CTNNA3: variants seen among roughly 807,000 people sequenced by gnomAD.
CTNNA3 encodes the protein catenin alpha-3.
In CTNNA3, 76 loss-of-function variants were observed where a neutral mutation model predicts 95.7. The ratio of observed to expected loss-of-function variants is 0.79; its 90% confidence interval spans 0.66 to 0.96. CTNNA3 has a LOEUF of 0.96. Ranked by LOEUF, CTNNA3 falls within the 40% of genes least tolerant of loss-of-function variation. The probability of loss-of-function intolerance (pLI) is 0.00; values close to 1 mark genes in which losing one functional copy is unlikely to be tolerated. For missense variants in CTNNA3, 1,191 were observed against 1,089.8 expected, an observed-to-expected ratio of 1.09 and a Z score of -1.31; for synonymous variants, 431 against 374.4, an observed-to-expected ratio of 1.15 and a Z score of -1.74.
At chr10:67,083,503 A>G (rs1170125057) in intron 7 of CTNNA3, among the ~76,000 whole-genome samples, 1 of 152,146 alleles carries the variant, frequency 6.6e-6, no homozygotes, top group Non-Finnish European at 1.5e-5. Flanking sequence ...ACATTTCAAC[A>G]ATGTGCTAAT....
At chr10:67,477,277 G>A (rs1255582567) in intron 5 of CTNNA3, among the ~76,000 whole-genome samples, 1 of 151,862 alleles carries the variant, frequency 6.6e-6, no homozygotes, top group Non-Finnish European at 1.5e-5. Flanking sequence ...CCTCAGTCCA[G>A]ATGTTTGTAC....
At chr10:67,559,226 T>C (rs1841384766) in intron 3 of CTNNA3, among the ~76,000 whole-genome samples, 2 of 152,192 alleles carry the variant, frequency 1.3e-5, no homozygotes. Flanking sequence ...GCAGCCTAAC[T>C]GGGAGGCAAC....
At chr10:66,694,382 G>A (rs1045760548) in intron 9 of CTNNA3, among the ~76,000 whole-genome samples, 7 of 151,990 alleles carry the variant, frequency 4.6e-5, no homozygotes, top group Admixed American at 6.6e-5. Flanking sequence ...TAAATTCCTC[G>A]ACACATACAC....
chr10:67,025,195 A>G (rs1853291507), intron 7 of CTNNA3, among the ~76,000 whole-genome samples: 1 of 151,814 alleles, frequency 6.6e-6, no homozygotes, highest in Non-Finnish European at 1.5e-5. Flanking sequence ...AGAAACCACA[A>G]GAAATATTTT....
At chr10:67,723,065 C>T (rs1266761984) in intron 1 of CTNNA3, among the ~76,000 whole-genome samples, 1 of 149,476 alleles carries the variant, frequency 6.7e-6, no homozygotes, top group Non-Finnish European at 1.5e-5. Context: ...TGGCTCACCA[C>T]AACTTCTGCC....
At chr10:66,048,749 A>G (rs2084110081) in intron 15 of CTNNA3, among the ~76,000 whole-genome samples, 1 of 152,178 alleles carries the variant, frequency 6.6e-6, no homozygotes, top group African/African-American at 2.4e-5. Flanking sequence ...CGGCAGAGCG[A>G]GACTCCATCT....
chr10:67,512,351 A>G (rs972664131), intron 5 of CTNNA3, among the ~76,000 whole-genome samples: 1 of 152,218 alleles, frequency 6.6e-6, no homozygotes, highest in African/African-American at 2.4e-5. Flanking sequence ...TTAAAAAAAT[A>G]GAACTATTAT....
intron 7 of CTNNA3, among the ~76,000 whole-genome samples, chr10:67,126,913 G>C (rs1370347812): frequency 6.6e-6 from 1 of 152,032 alleles, no homozygotes; most frequent in Non-Finnish European, 1.5e-5. Context: ...GCACTGTTTG[G>C]GAGTTTTCAG....
intron 12 of CTNNA3, among the ~76,000 whole-genome samples, chr10:66,374,933 G>A (rs1005704760): frequency 1.3e-5 from 2 of 151,988 alleles, no homozygotes; most frequent in African/African-American, 4.8e-5. Context: ...CCATTTTTAT[G>A]ACAGTATATC....
chr10:66,379,124 G>A lies in CTNNA3; in HGVS notation c.1732+28C>T, dbSNP rs772069837. On this transcript the variant is annotated intron_variant, in intron 12 of 17. Coordinates refer to ENST00000433211, the MANE Select transcript of CTNNA3 (RefSeq NM_013266.4). ...TATGTAGATTCAAATAAGAGAAATT[G>A]TGCAGCTGTTATTGGCAACTGACTT... 9 of 1,538,560 alleles carry A rather than the reference G, an allele frequency of 5.8e-6. No individual in the cohort carries two copies. In the African/African-American group the frequency reaches 1.1e-4, roughly 19 times the overall value.
At chr10:66,767,142 G>A (rs10400163) in intron 8 of CTNNA3, among the ~76,000 whole-genome samples, 122,365 of 151,996 alleles carry the variant, frequency 0.81, 49,424 homozygotes, top group African/African-American at 0.87. Context: ...ATATAATATC[G>A]AGTCTTTAAA....
intron 1 of CTNNA3, among the ~76,000 whole-genome samples, chr10:67,726,412 T>TA (rs1564841098): frequency 6.6e-5 from 4 of 61,024 alleles, no homozygotes; most frequent in Non-Finnish European, 9.7e-5. Context: ...TTATATCATA[T>TA]ATAATATTAT....
intron 5 of CTNNA3, among the ~76,000 whole-genome samples, chr10:67,450,069 A>C (rs1320364315): frequency 6.6e-6 from 1 of 152,228 alleles, no homozygotes; most frequent in Non-Finnish European, 1.5e-5. Flanking sequence ...TGATCATTAG[A>C]GAAATGCAAA....
intron 5 of CTNNA3, among the ~76,000 whole-genome samples, chr10:67,341,344 C>A (rs950804126): frequency 1.3e-5 from 2 of 152,108 alleles, no homozygotes; most frequent in African/African-American, 4.8e-5. Flanking sequence ...CACCTCCCCA[C>A]AACTACACTT....
intron 9 of CTNNA3, among the ~76,000 whole-genome samples, chr10:66,627,335 G>T (rs1589037160): frequency 6.6e-6 from 1 of 152,004 alleles, no homozygotes; most frequent in African/African-American, 2.4e-5. Context: ...CAAGGATCCT[G>T]GTCCTCCCCT....
chr10:66,981,051 A>G (rs1850408084), intron 7 of CTNNA3, among the ~76,000 whole-genome samples: 1 of 152,080 alleles, frequency 6.6e-6, no homozygotes, highest in Non-Finnish European at 1.5e-5. Context: ...GATTACAGGC[A>G]TGCTCCACCA....
intron 7 of CTNNA3, among the ~76,000 whole-genome samples, chr10:67,072,016 G>A (rs748337041): frequency 7.2e-5 from 11 of 152,142 alleles, no homozygotes; most frequent in Admixed American, 3.9e-4. Flanking sequence ...TGCTGTGCAC[G>A]ATCTCAGCGC....
At chr10:67,203,739 C>T (rs1188639029) in intron 6 of CTNNA3, among the ~76,000 whole-genome samples, 1 of 152,268 alleles carries the variant, frequency 6.6e-6, no homozygotes, top group Non-Finnish European at 1.5e-5. Context: ...TTCCACAATA[C>T]CTGTTTGATT....
intron 13 of CTNNA3, among the ~76,000 whole-genome samples, chr10:66,221,330 A>G (rs1333797433): frequency 6.6e-6 from 1 of 152,192 alleles, no homozygotes; most frequent in African/African-American, 2.4e-5. Flanking sequence ...GCTAGCTGGT[A>G]TTTGTGACCT....
Sources: allele counts gnomAD v4.1 joint callset (sites outside exome capture counted in the v4.1 genomes callset), GRCh38; gene constraint gnomAD v4.1.1; transcripts MANE v1.5; gene names NCBI Gene and HGNC (gene_info 2026-07-23, HGNC 2026-07-21).